Variants in ANKRD31 observed in about 807,000 individuals in gnomAD.
ANKRD31 encodes ankyrin repeat domain 31.
ANKRD31 carries 147 observed loss-of-function variants against 186.0 expected under a neutral mutation model. The observed-to-expected ratio is 0.79, with a 90% confidence interval of 0.69 to 0.91. ANKRD31 has a LOEUF of 0.91. Ranked by LOEUF, ANKRD31 falls within the 40% of genes least tolerant of loss-of-function variation. The pLI is 0.00. For synonymous variants in ANKRD31, 673 were observed against 736.4 expected, an observed-to-expected ratio of 0.91 and a Z score of 1.39; for missense variants, 1,986 against 2,148.8, an observed-to-expected ratio of 0.92 and a Z score of 1.50.
intron 25 of ANKRD31, among the ~76,000 whole-genome samples, chr5:75,072,423 T>C (rs577951607): frequency 1.4e-4 from 21 of 152,208 alleles, no homozygotes; most frequent in Middle Eastern, 3.4e-3. Context: ...TAGAGATTCA[T>C]AGCTATTTTG....
chr5:75,170,823 G>A (rs1753260198), intron 10 of ANKRD31, among the ~76,000 whole-genome samples: 1 of 152,034 alleles, frequency 6.6e-6, no homozygotes, highest in African/African-American at 2.4e-5. Flanking sequence ...AAGAAGGCTA[G>A]ATGTCTATAT....
intron 23 of ANKRD31, among the ~76,000 whole-genome samples, chr5:75,086,886 C>A (rs775556646): frequency 6.6e-6 from 1 of 151,114 alleles, no homozygotes; most frequent in African/African-American, 2.5e-5. Flanking sequence ...CACGTGTGCA[C>A]GCATGTGCAT....
intron 22 of ANKRD31, among the ~76,000 whole-genome samples, chr5:75,102,575 T>G (rs1746992235): frequency 6.6e-6 from 1 of 152,222 alleles, no homozygotes. Context: ...TGTGGTGGCC[T>G]CCACCCAGTT....
chr5:75,146,290 C>T lies in ANKRD31; in HGVS notation c.3121G>A (p.Ala1041Thr), dbSNP rs895315160. Residue 1041 changes from alanine to threonine, a missense_variant, in exon 14 of 26, where the codon GCA becomes ACA. Ala to Thr is a moderately conservative substitution (Grantham distance 58). Coordinates refer to ENST00000506364, the MANE Select transcript of ANKRD31 (RefSeq NM_001372053.1). The part of the protein sequence containing the change: ...FKKPQDYIPR[A>T]PTFLMNQTDT... ...GTTTGATTCATTAAAAAAGTTGGTG[C>T]TCTGGGAATATAATCCTGTGGCTTT... The T allele has an allele frequency of 2.0e-6, 3 of 1,536,432 alleles. No individual in the cohort carries two copies. Among genetic ancestry groups the T allele is most frequent in the East Asian group, 2.4e-5 (1 of 40,884 alleles).
In ANKRD31 at chr5:75,072,299, T is replaced by C. The variant is rs143159830; in HGVS notation, c.5648-3635A>G. Among the ~76,000 whole-genome samples the C allele has an allele frequency of 8.6e-3, 1,312 of 152,150 alleles. 14 individuals carry two copies. The highest frequency in any genetic ancestry group is 0.03 in the African/African-American group (1,232 of 41,524). On this transcript the variant is annotated intron_variant, in intron 25 of 25. Coordinates refer to ENST00000506364, the MANE Select transcript of ANKRD31 (RefSeq NM_001372053.1). ...CTGGCTAAAGAGATATAAATCAAAG[T>C]GTTGTGTTTGACTTCAGGGGAGGCT...
intron 16 of ANKRD31, 43 bp downstream of exon 16, chr5:75,138,803 T>A: frequency 6.6e-7 from 1 of 1,521,088 alleles, no homozygotes; most frequent in East Asian, 2.5e-5. Context: ...TGTATTTCAG[T>A]GAGTTCAAAT....
intron 22 of ANKRD31, among the ~76,000 whole-genome samples, chr5:75,096,981 G>A (rs548863713): frequency 6.6e-6 from 1 of 152,190 alleles, no homozygotes; most frequent in African/African-American, 2.4e-5. Context: ...CCCTACAAAG[G>A]ACATGAACTC....
chr5:75,173,744 T>C (rs902455770), intron 10 of ANKRD31, among the ~76,000 whole-genome samples: 2 of 152,060 alleles, frequency 1.3e-5, no homozygotes, highest in East Asian at 3.9e-4. Context: ...GACAAACAAA[T>C]GGAAGAACAT....
chr5:75,117,411 C>T (rs1183153398), intron 18 of ANKRD31, among the ~76,000 whole-genome samples: 1 of 152,134 alleles, frequency 6.6e-6, no homozygotes, highest in Non-Finnish European at 1.5e-5. Context: ...CACTCTTGAC[C>T]TTGACCTATC....
chr5:75,147,330 G>A lies in ANKRD31; in HGVS notation c.2081C>T (p.Ser694Phe), dbSNP rs1213800662. The A allele has an allele frequency of 6.5e-7, 1 of 1,532,974 alleles. No individual in the cohort carries two copies. Among genetic ancestry groups the A allele is most frequent in the African/African-American group, 1.4e-5 (1 of 72,608 alleles). The allele number at this position is 1,532,974 out of a possible 1,614,324, so 95.0% of individuals were successfully genotyped here. A position where few individuals can be genotyped will look rare whatever the true frequency, so the allele number is the denominator to read the frequency against. The part of the protein sequence containing the change: ...KDPKNTKFGK[S>F]KHKQSTLDQI... ...GTCAAGAGTTGATTGTTTATGCTTGGATTTACCAAATTTTGTGTTTTTGGG... is the reference window on the plus strand; with the variant it reads ...GTCAAGAGTTGATTGTTTATGCTTGAATTTACCAAATTTTGTGTTTTTGGG... Residue 694 changes from serine to phenylalanine, a missense_variant, in exon 14 of 26, where the codon TCC becomes TTC. Transcript: ENST00000506364.
At chr5:75,090,956 C>G (rs2150030804) in intron 23 of ANKRD31, among the ~76,000 whole-genome samples, 1 of 152,206 alleles carries the variant, frequency 6.6e-6, no homozygotes, top group Middle Eastern at 3.4e-3. Context: ...CTTGGGAGAT[C>G]AAATGGGAAG....
chr5:75,129,583 A>G (rs937375635), intron 17 of ANKRD31, among the ~76,000 whole-genome samples: 4 of 152,218 alleles, frequency 2.6e-5, no homozygotes, highest in African/African-American at 9.6e-5. Context: ...ATAGGTATCA[A>G]TGAAGGATCC....
rs1251793181 is a variant in ANKRD31, at chr5:75,206,440, C to T, written c.374G>A (p.Gly125Glu). The change falls in exon 5 of 26, where the codon GGA becomes GAA. Residue 125 changes from glycine to glutamate, a missense_variant. Physicochemically the swap from Gly to Glu is moderately conservative, Grantham distance 98. Transcript: ENST00000506364. ...SMFIGSFRQS[G>E]LSLNHQNIEG... is the part of the protein sequence containing the mutation. ...AATATTTTGGTGGTTCAATGAAAGTCCAGACTGGCGAAACGACCCAATGAA... is the reference window on the plus strand; with the variant it reads ...AATATTTTGGTGGTTCAATGAAAGTTCAGACTGGCGAAACGACCCAATGAA... 2 of 1,487,062 alleles carry T rather than the reference C, an allele frequency of 1.3e-6. No homozygotes were observed. The highest frequency in any genetic ancestry group is 2.8e-5 in the African/African-American group (2 of 71,232). The allele number at this position is 1,487,062 out of a possible 1,614,324, so 92.1% of individuals were successfully genotyped here.
At chr5:75,219,026 A>G (rs1179284272) in intron 3 of ANKRD31, among the ~76,000 whole-genome samples, 1 of 152,140 alleles carries the variant, frequency 6.6e-6, no homozygotes, top group Non-Finnish European at 1.5e-5. Context: ...GCCACCACCA[A>G]ACATCATACT....
chr5:75,222,495 A>G (rs538640751), intron 2 of ANKRD31, 137 bp from the exon 3 acceptor site: 392 of 699,272 alleles, frequency 5.6e-4, no homozygotes, highest in Non-Finnish European at 8.2e-4. Flanking sequence ...TTTCTTCTAA[A>G]AAAAAACGAG....
chr5:75,073,693 G>A (rs1003495809), intron 25 of ANKRD31, among the ~76,000 whole-genome samples: 1 of 152,130 alleles, frequency 6.6e-6, no homozygotes, highest in Non-Finnish European at 1.5e-5. Context: ...TTTGTCAAAT[G>A]AGAAAATACC....
chr5:75,146,294 G>C lies in ANKRD31; in HGVS notation c.3117C>G (p.Pro1039=). The change falls in exon 14 of 26, where the codon CCC becomes CCG. Residue 1039 remains proline (P), a synonymous_variant. Coordinates refer to ENST00000506364, the MANE Select transcript of ANKRD31 (RefSeq NM_001372053.1). ...GATTCATTAAAAAAGTTGGTGCTCT[G>C]GGAATATAATCCTGTGGCTTTTTGA... The part of the protein sequence containing the change: ...ELFKKPQDYI[P]RAPTFLMNQT... 2.0e-6 allele frequency: 3 copies of C among 1,536,390 alleles called. No individual in the cohort carries two copies. Among genetic ancestry groups the C allele is most frequent in the Non-Finnish European group, 2.6e-6 (3 of 1,146,414 alleles).
chr5:75,216,054 G>A (rs998643425), intron 3 of ANKRD31, among the ~76,000 whole-genome samples: 12 of 152,098 alleles, frequency 7.9e-5, no homozygotes, highest in Non-Finnish European at 1.0e-4. Flanking sequence ...ATAAAAGAAA[G>A]TTAAAGGAGG....
At chr5:75,205,331 T>C (rs1375773467) in intron 5 of ANKRD31, among the ~76,000 whole-genome samples, 1 of 152,232 alleles carries the variant, frequency 6.6e-6, no homozygotes, top group African/African-American at 2.4e-5. Context: ...TTTATCAGTT[T>C]GGCCAGTTTA....
Sources: allele counts gnomAD v4.1 joint callset (sites outside exome capture counted in the v4.1 genomes callset), GRCh38; gene constraint gnomAD v4.1.1; transcripts MANE v1.5; gene names NCBI Gene and HGNC (gene_info 2026-07-23, HGNC 2026-07-21).